Variants in MYO18A observed in about 807,000 individuals in gnomAD.
MYO18A encodes the protein myosin XVIIIA.
Under a neutral mutation model 235.8 loss-of-function variants are expected in MYO18A, and 78 were observed. The observed-to-expected ratio is 0.33, with a 90% confidence interval of 0.28 to 0.40. MYO18A has a LOEUF of 0.40. MYO18A is among the 10% of genes least tolerant of loss of function. The probability of loss-of-function intolerance (pLI) is 1.00; values close to 1 mark genes in which losing one functional copy is unlikely to be tolerated. For missense variants in MYO18A, 2,215 were observed against 2,699.3 expected (o/e 0.82, Z 3.98); for synonymous variants, 977 against 1,077.8 (o/e 0.91, Z 1.83).
intron 1 of MYO18A, among the ~76,000 whole-genome samples, chr17:29,178,607 C>CA (rs995833474): frequency 1.3e-5 from 2 of 151,880 alleles, no homozygotes; most frequent in Non-Finnish European, 2.9e-5. Context: ...GACTTCATCA[C>CA]AAAAAAACAG....
At position 29,115,581 on chromosome 17, in the gene MYO18A, C is replaced by T. The variant is rs1188948536; in HGVS notation, c.2227+83G>A. 4 of 1,489,190 alleles carry T rather than the reference C, an allele frequency of 2.7e-6. No individual in the cohort carries two copies. The East Asian group carries it at 7.3e-5, about 27-fold the overall frequency. 92.2% of individuals were successfully genotyped at this position (1,489,190 alleles called of 1,614,324 possible). On this transcript the variant is annotated intron_variant, in intron 12 of 41. Transcript: ENST00000527372. Reference sequence around the variant, plus strand: ...CTGACAGAGCATCTGTTCACTCCAGCAGTCCCCTCCCGCCCCAGGGATGGC... The same window carrying T: ...CTGACAGAGCATCTGTTCACTCCAGTAGTCCCCTCCCGCCCCAGGGATGGC...
At chr17:29,133,174 C>G (rs2067514268) in intron 2 of MYO18A, among the ~76,000 whole-genome samples, 1 of 152,236 alleles carries the variant, frequency 6.6e-6, no homozygotes, top group Admixed American at 6.5e-5. Context: ...TGGGTGCCCC[C>G]CAAGTGTCTG....
chr17:29,162,419 A>G (rs1254504179), intron 2 of MYO18A, among the ~76,000 whole-genome samples: 7 of 151,674 alleles, frequency 4.6e-5, no homozygotes, highest in Non-Finnish European at 1.0e-4. Context: ...GAAATATGTG[A>G]TTCTCTCTCC....
In MYO18A at chr17:29,079,319, A is replaced by G. The variant is rs2066059189; in HGVS notation, c.6020+2997T>C. On this transcript the variant is annotated intron_variant, in intron 41 of 41. Transcript: ENST00000527372. ...GGCAGACCCCATTCAGACCCTGGCA[A>G]CAACCCTTCCCAGCTGTGCGTGACC... Among the ~76,000 whole-genome samples, 3 of 152,326 alleles carry G rather than the reference A, an allele frequency of 2.0e-5. No individual in the cohort carries two copies. In the South Asian group the frequency reaches 6.2e-4, roughly 32 times the overall value.
At chr17:29,127,994 G>GA in intron 2 of MYO18A, 1 of 1,001,612 alleles carries the variant, frequency 1.0e-6, no homozygotes, top group Non-Finnish European at 1.2e-6. Context: ...CTTGGCTGGG[G>GA]ATCCTGCTTT....
intron 40 of MYO18A, among the ~76,000 whole-genome samples, chr17:29,083,882 G>A (rs568434055): frequency 6.6e-6 from 1 of 152,308 alleles, no homozygotes; most frequent in East Asian, 1.9e-4. Context: ...CATATTGATT[G>A]CCTTTAGAAA....
At position 29,126,512 on chromosome 17, in the gene MYO18A, G is replaced by C. The variant is rs1388787077; in HGVS notation, c.1000-4259C>G. On this transcript the variant is annotated intron_variant, in intron 2 of 41. Coordinates refer to ENST00000527372, the MANE Select transcript of MYO18A (RefSeq NM_078471.4). The surrounding 1 kb of genome is among the most constrained non-coding windows in gnomAD (Gnocchi z 4.1). ...AGTGGGCCAGGTGGGTGGGGGAAGC[G>C]GCGGCTGGCTTTTCTCTAAGTGCTG... Among the ~76,000 whole-genome samples, 1 of 152,114 alleles carries C rather than the reference G, an allele frequency of 6.6e-6. No homozygotes were observed. Among genetic ancestry groups the C allele is most frequent in the African/African-American group, 2.4e-5 (1 of 41,416 alleles).
intron 2 of MYO18A, among the ~76,000 whole-genome samples, chr17:29,148,582 TTGTGTGTGTGTGTG>T (rs10535921): frequency 4.9e-4 from 73 of 148,876 alleles, no homozygotes; most frequent in Admixed American, 3.1e-3. Context: ...CTTTATTCTT[TTGTGTGTGTGTGTG>T]TGTGTGTGTG....
chr17:29,110,581 G>A lies in MYO18A; in HGVS notation c.2942C>T (p.Ala981Val), dbSNP rs1283782169. ...SNLFLGRAGS[A>V]TVLSGSIAGL... The stretch of plus-strand genomic sequence containing the variant: ...CGCGATGGAGCCAGAGAGCACCGTG[G>A]CACTGCCTGCGCGGCCCAGAAACAG... The change falls in exon 18 of 42, where the codon GCC (alanine) becomes GTC (valine). Residue 981 changes from alanine to valine, a missense_variant. Transcript: ENST00000527372. The A allele has an allele frequency of 6.2e-7, 1 of 1,611,876 alleles. No individual in the cohort carries two copies. The highest frequency in any genetic ancestry group is 8.5e-7 in the Non-Finnish European group (1 of 1,178,722).
chr17:29,073,991 C>G lies in MYO18A; in HGVS notation c.*779G>C. On this transcript the variant is annotated 3_prime_UTR_variant, in exon 42 of 42. Transcript: ENST00000527372. ...CTTAAATAGGTCATTGCACATAACA[C>G]GCTGAGACAAAGAGGGTGGGGTGGG... is the stretch of plus-strand genomic sequence containing the variant. 6.2e-7 allele frequency: 1 copy of G among 1,614,024 alleles called. No individual in the cohort carries two copies. Among genetic ancestry groups the G allele is most frequent in the South Asian group, 1.1e-5 (1 of 91,062 alleles).
rs1265666694 is a variant in MYO18A at position 29,071,547 on chromosome 17, C to T, written c.*3223G>A. 6.6e-6 allele frequency: 1 copy of T among 152,244 alleles called. No homozygotes were observed. The highest frequency in any genetic ancestry group is 1.5e-5 in the Non-Finnish European group (1 of 68,056). The allele number at this position is 152,244 out of a possible 1,614,324, so 9.4% of individuals were successfully genotyped here. ...CTCTTTCCCTGCCCCAGGACCTTTA[C>T]TTAAACTCTTCTTCTTCTCAATATG... On this transcript the variant is annotated 3_prime_UTR_variant, in exon 42 of 42. Coordinates refer to ENST00000527372, the MANE Select transcript of MYO18A (RefSeq NM_078471.4).
chr17:29,167,340 T>G (rs1249609803), intron 1 of MYO18A, among the ~76,000 whole-genome samples: 1 of 152,104 alleles, frequency 6.6e-6, no homozygotes, highest in Non-Finnish European at 1.5e-5. Flanking sequence ...AAGGCTTAGG[T>G]GTATCTGGAG....
At position 29,122,856 on chromosome 17, in the gene MYO18A, G is replaced by T. The variant is rs1053739453; in HGVS notation, c.1000-603C>A. Among the ~76,000 whole-genome samples the T allele has an allele frequency of 1.4e-4, 21 of 152,228 alleles. 1 individual carries two copies. The highest frequency in any genetic ancestry group is 1.4e-3 in the Admixed American group (21 of 15,286). On this transcript the variant is annotated intron_variant, in intron 2 of 41. Transcript: ENST00000527372. ...TCCAGAGGGTGCTCTACCCGGACCG[G>T]GGGACAGTGCCCAGGTGCACACATC... is the stretch of plus-strand genomic sequence containing the variant.
chr17:29,109,271 G>A lies in MYO18A; in HGVS notation c.3331+587C>T, dbSNP rs1006463064. Among the ~76,000 whole-genome samples, 4 of 152,160 alleles carry A rather than the reference G, an allele frequency of 2.6e-5. No individual in the cohort carries two copies. The highest frequency in any genetic ancestry group is 4.4e-5 in the Non-Finnish European group (3 of 68,036). On this transcript the variant is annotated intron_variant, in intron 19 of 41. Transcript: ENST00000527372. The surrounding 1 kb of genome is among the most constrained non-coding windows in gnomAD (Gnocchi z 4.1). ...TCAGGAGCTGTGTGACCTTGGGCAA[G>A]CTACTTAACCTCTCTGAGCCTCAGT...
At chr17:29,130,053 T>C (rs1451687416) in intron 2 of MYO18A, among the ~76,000 whole-genome samples, 1 of 152,040 alleles carries the variant, frequency 6.6e-6, no homozygotes, top group Non-Finnish European at 1.5e-5. Context: ...TCCTAGCACT[T>C]TGCGAGGCCA....
At chr17:29,084,383 T>G (rs554970696) in intron 40 of MYO18A, among the ~76,000 whole-genome samples, 3 of 152,148 alleles carry the variant, frequency 2.0e-5, no homozygotes, top group Non-Finnish European at 2.9e-5. Context: ...AGTGGATGGG[T>G]TGCAAAGCTG....
chr17:29,150,471 G>A (rs910242209), intron 2 of MYO18A, among the ~76,000 whole-genome samples: 1 of 152,246 alleles, frequency 6.6e-6, no homozygotes, highest in Admixed American at 6.5e-5. Flanking sequence ...CAGAGCTGGT[G>A]GTGGTTGAGG....
In MYO18A at chr17:29,121,776, T is replaced by C; in HGVS notation, c.1195-53A>G. The C allele has an allele frequency of 6.2e-7, 1 of 1,605,700 alleles. No individual in the cohort carries two copies. The highest frequency in any genetic ancestry group is 8.5e-7 in the Non-Finnish European group (1 of 1,174,790). On this transcript the variant is annotated intron_variant, in intron 4 of 41. Coordinates refer to ENST00000527372, the MANE Select transcript of MYO18A (RefSeq NM_078471.4). This position sits in a 1 kb window ranked among gnomAD's most constrained non-coding sequence, Gnocchi z 4.2. ...TTAGAGCAGCAGAGCCCATCTCCGCTGCCAGAGGATGGGCCTGCCCTGCCC... is the reference window on the plus strand; with the variant it reads ...TTAGAGCAGCAGAGCCCATCTCCGCCGCCAGAGGATGGGCCTGCCCTGCCC...
chr17:29,090,424 A>T (rs1489993523), intron 36 of MYO18A, 108 bp downstream of exon 36: 2 of 962,672 alleles, frequency 2.1e-6, no homozygotes, highest in African/African-American at 1.6e-5. Flanking sequence ...TGCTCTGTGG[A>T]TTACTGATGG....
Sources: allele counts gnomAD v4.1 joint callset (sites outside exome capture counted in the v4.1 genomes callset), GRCh38; gene constraint gnomAD v4.1.1; non-coding constraint Gnocchi (gnomAD v3.1); transcripts MANE v1.5; gene names NCBI Gene and HGNC (gene_info 2026-07-23, HGNC 2026-07-21).